The following MT1G variants were observed in gnomAD, a reference collection of about 807,000 sequenced individuals.
MT1G encodes metallothionein 1G, also known as metallothionein-1G.
A neutral mutation model predicts 9.1 loss-of-function variants in MT1G; 8 were observed. The observed-to-expected ratio is 0.87, with a 90% CI of 0.51 to 1.58. MT1G has a LOEUF of 1.58. Ranked by LOEUF, MT1G falls within the 40% of genes most tolerant of loss-of-function variation. MT1G has a pLI of 0.00. For synonymous variants in MT1G, 31 were observed against 28.4 expected, an observed-to-expected ratio of 1.09 and a Z score of -0.29; for missense variants, 79 against 77.3, an observed-to-expected ratio of 1.02 and a Z score of -0.08.
At position 56,667,267 on chromosome 16, in the gene MT1G, A is replaced by G. The variant is rs1351237709; in HGVS notation, c.97+45T>C. On this transcript the variant is annotated intron_variant, in intron 2 of 2. Coordinates refer to ENST00000379811, the MANE Select transcript of MT1G (RefSeq NM_001301267.2). ...AGGGACAGCCTTGGGTTCCCTCCCA[A>G]CCTTAGCCACAGCCCCAGATTCCTG... 3.7e-6 allele frequency: 6 copies of G among 1,613,964 alleles called. No individual in the cohort carries two copies. In the African/African-American group the frequency reaches 6.7e-5, roughly 18 times the overall value.
At chr16:56,667,557 C>T (rs1362316340) in intron 1 of MT1G, among the ~76,000 whole-genome samples, 177 bp from the exon 2 acceptor site, 1 of 152,198 alleles carries the variant, frequency 6.6e-6, no homozygotes, top group Admixed American at 6.5e-5. Flanking sequence ...AACCAAGCAC[C>T]CTCCTATTTC....
chr16:56,667,775 C>T (rs1474136979), intron 1 of MT1G, among the ~76,000 whole-genome samples, 191 bp downstream of exon 1: 5 of 152,146 alleles, frequency 3.3e-5, no homozygotes, highest in Admixed American at 3.3e-4. Flanking sequence ...CCTCAGGACC[C>T]TCAACTCTGA....
rs769987487 is a variant in MT1G, at chr16:56,666,832, T to G, written c.*47A>C. ...GTAGCAAAAAACAAAAAATCCTGGA[T>G]TTTACGGGTCACTCTATTTGTACTT... On this transcript the variant is annotated 3_prime_UTR_variant, in exon 3 of 3. Coordinates refer to ENST00000379811, the MANE Select transcript of MT1G (RefSeq NM_001301267.2). The G allele has an allele frequency of 1.8e-5, 29 of 1,595,834 alleles. No homozygotes were observed. Among genetic ancestry groups the G allele is most frequent in the Non-Finnish European group, 2.2e-5 (26 of 1,173,056 alleles).
chr16:56,667,394 A>T lies in MT1G; in HGVS notation c.29-14T>A, dbSNP rs1271702698. The T allele has an allele frequency of 9.3e-6, 15 of 1,613,960 alleles. No homozygotes were observed. In the African/African-American group the frequency reaches 1.2e-4, roughly 13 times the overall value. Reference sequence around the variant, plus strand: ...AGGAGACACCTGCTAGAAGAGAAAAAGCCAGTGAACGGTGAGTGAGATGCA... The same window carrying T: ...AGGAGACACCTGCTAGAAGAGAAAATGCCAGTGAACGGTGAGTGAGATGCA... On this transcript the variant is annotated splice_polypyrimidine_tract_variant and intron_variant, in intron 1 of 2. Transcript: ENST00000379811.
chr16:56,666,744 A>C lies in MT1G; in HGVS notation c.*135T>G. The C allele has an allele frequency of 7.5e-7, 1 of 1,326,362 alleles. No individual in the cohort carries two copies. Among genetic ancestry groups the C allele is most frequent in the South Asian group, 1.5e-5 (1 of 65,784 alleles). 82.2% of individuals were successfully genotyped at this position (1,326,362 alleles called of 1,614,324 possible). On this transcript the variant is annotated 3_prime_UTR_variant, in exon 3 of 3. Transcript: ENST00000379811. ...GGAACCAGAACGGGAATCAAGTCTA[A>C]GTGTTTAATTATTATTCACATATTT...
Position 56,666,917 on chromosome 16 carries a change from A to G in MT1G, c.151T>C (p.Cys51Arg). Residue 51 changes from cysteine to arginine, a missense_variant, in exon 3 of 3, where the codon TGC (cysteine) becomes CGC (arginine). Cys to Arg is a radical substitution (Grantham distance 180). Transcript: ENST00000379811. ...GCAKCAQGCI[C>R]KGASEKCSCC... ...CTGCACTTCTCCGATGCCCCTTTGC[A>G]GATGCAGCCCTGGGCACACTTGGCA... 4 of 1,614,242 alleles carry G rather than the reference A, an allele frequency of 2.5e-6. No individual in the cohort carries two copies. The highest frequency in any genetic ancestry group is 2.5e-6 in the Non-Finnish European group (3 of 1,180,036).
intron 1 of MT1G, 97 bp downstream of exon 1, chr16:56,667,869 C>A: frequency 6.9e-7 from 1 of 1,450,732 alleles, no homozygotes; most frequent in Non-Finnish European, 9.7e-7. Context: ...TCCCCTTTAC[C>A]TCTGATAGCA....
Position 56,666,970 on chromosome 16 carries a change from C to G in MT1G, c.98G>C (p.Ser33Thr). Residue 33 changes from serine to threonine, a missense_variant and splice_region_variant, in exon 3 of 3, where the codon AGC becomes ACC. Physicochemically the swap from Ser to Thr is moderately conservative, Grantham distance 58. Transcript: ENST00000379811. ...GCCCACAGGGCAGCAGGAGCAGCAGCCTGGGGAGGAAAGGAGATTGAGAGG... is the reference window on the plus strand; with the variant it reads ...GCCCACAGGGCAGCAGGAGCAGCAGGCTGGGGAGGAAAGGAGATTGAGAGG... ...KECKCTSCKK[S>T]CCSCCPVGCA... is the part of the protein sequence containing the mutation. 1.2e-6 allele frequency: 2 copies of G among 1,613,998 alleles called. No homozygotes were observed. Among genetic ancestry groups the G allele is most frequent in the Non-Finnish European group, 8.5e-7 (1 of 1,180,016 alleles).
At position 56,666,858 on chromosome 16, in the gene MT1G, G is replaced by C; in HGVS notation, c.*21C>G. Reference sequence around the variant, plus strand: ...TTTACGGGTCACTCTATTTGTACTTGGGAGCAGGGCTGTCCCGACATCAGG... The same window carrying C: ...TTTACGGGTCACTCTATTTGTACTTCGGAGCAGGGCTGTCCCGACATCAGG... On this transcript the variant is annotated 3_prime_UTR_variant, in exon 3 of 3. Coordinates refer to ENST00000379811, the MANE Select transcript of MT1G (RefSeq NM_001301267.2). 2.5e-6 allele frequency: 4 copies of C among 1,613,268 alleles called. No individual in the cohort carries two copies. Among genetic ancestry groups the C allele is most frequent in the Non-Finnish European group, 3.4e-6 (4 of 1,179,740 alleles).
At position 56,667,273 on chromosome 16, in the gene MT1G, G is replaced by A. The variant is rs187288338; in HGVS notation, c.97+39C>T. ...AGCCTTGGGTTCCCTCCCAACCTTA[G>A]CCACAGCCCCAGATTCCTGGAGATG... On this transcript the variant is annotated intron_variant, in intron 2 of 2. Coordinates refer to ENST00000379811, the MANE Select transcript of MT1G (RefSeq NM_001301267.2). The A allele has an allele frequency of 1.3e-3, 2,130 of 1,614,178 alleles. 2 individuals carry two copies. The highest frequency in any genetic ancestry group is 1.6e-3 in the Non-Finnish European group (1,915 of 1,180,040).
chr16:56,667,990 C>A lies in MT1G; in HGVS notation c.4G>T (p.Asp2Tyr). The A allele has an allele frequency of 6.2e-7, 1 of 1,614,020 alleles. No homozygotes were observed. The highest frequency in any genetic ancestry group is 1.7e-5 in the Admixed American group (1 of 60,032). ...CCAGCGGCACAGGAGCAGTTGGGGT[C>A]CATTGCAACCCGAGGCGAGACTAGA... M[D>Y]PNCSCAAAGV... The change falls in exon 1 of 3, where the codon GAC (aspartate) becomes TAC (tyrosine). Residue 2 changes from aspartate (D) to tyrosine (Y), a missense_variant. Physicochemically the swap from Asp to Tyr is radical, Grantham distance 160 (BLOSUM62 -3). Coordinates refer to ENST00000379811, the MANE Select transcript of MT1G (RefSeq NM_001301267.2).
In MT1G at chr16:56,667,383, A is replaced by G; in HGVS notation, c.29-3T>C. The G allele has an allele frequency of 6.2e-7, 1 of 1,614,134 alleles. No homozygotes were observed. The highest frequency in any genetic ancestry group is 1.1e-5 in the South Asian group (1 of 91,070). On this transcript the variant is annotated splice_polypyrimidine_tract_variant and splice_region_variant and intron_variant, in intron 1 of 2. Transcript: ENST00000379811. ...GGCGCAGGTGCAGGAGACACCTGCTAGAAGAGAAAAAGCCAGTGAACGGTG... is the reference window on the plus strand; with the variant it reads ...GGCGCAGGTGCAGGAGACACCTGCTGGAAGAGAAAAAGCCAGTGAACGGTG...
At chr16:56,667,787 A>T (rs1453384250) in intron 1 of MT1G, among the ~76,000 whole-genome samples, 179 bp downstream of exon 1, 3 of 152,196 alleles carry the variant, frequency 2.0e-5, no homozygotes, top group Non-Finnish European at 4.4e-5. Flanking sequence ...CAACTCTGAC[A>T]TAGAGGAACA....
Position 56,667,971 on chromosome 16 carries a change from G to A in MT1G, c.23C>T (p.Ala8Val). The A allele has an allele frequency of 6.2e-7, 1 of 1,613,890 alleles. No individual in the cohort carries two copies. The part of the protein sequence containing the change: MDPNCSC[A>V]AAGVSCTCAS... ...AGAACCCGGGCGTCCCTTACCAGCG[G>A]CACAGGAGCAGTTGGGGTCCATTGC... The change falls in exon 1 of 3, where the codon GCC (alanine) becomes GTC (valine). Residue 8 changes from alanine (A) to valine (V), a missense_variant. By Grantham distance (64) the Ala-to-Val change is moderately conservative. Coordinates refer to ENST00000379811, the MANE Select transcript of MT1G (RefSeq NM_001301267.2).
At chr16:56,667,231 A>G in intron 2 of MT1G, 81 bp downstream of exon 2, 1 of 1,611,848 alleles carries the variant, frequency 6.2e-7, no homozygotes, top group African/African-American at 1.3e-5. Flanking sequence ...GTTCCCCAGA[A>G]GCACGCACTC....
Position 56,666,875 on chromosome 16 carries a change from G to T in MT1G, c.*4C>A, listed in dbSNP as rs552378275. On this transcript the variant is annotated 3_prime_UTR_variant, in exon 3 of 3. Coordinates refer to ENST00000379811, the MANE Select transcript of MT1G (RefSeq NM_001301267.2). Reference sequence around the variant, plus strand: ...TTGTACTTGGGAGCAGGGCTGTCCCGACATCAGGCGCAGCAGCTGCACTTC... The same window carrying T: ...TTGTACTTGGGAGCAGGGCTGTCCCTACATCAGGCGCAGCAGCTGCACTTC... 1.9e-6 allele frequency: 3 copies of T among 1,614,052 alleles called. No homozygotes were observed. The African/African-American group carries it at 4.0e-5, about 22-fold the overall frequency.
At chr16:56,667,934 A>C (rs1057500245) in intron 1 of MT1G, 32 bp downstream of exon 1, 15 of 1,613,510 alleles carry the variant, frequency 9.3e-6, no homozygotes, top group Non-Finnish European at 1.3e-5. Flanking sequence ...GGAATTTGGC[A>C]TCCCAAGGCA....
In MT1G at chr16:56,666,777, A is replaced by T; in HGVS notation, c.*102T>A. On this transcript the variant is annotated 3_prime_UTR_variant, in exon 3 of 3. Coordinates refer to ENST00000379811, the MANE Select transcript of MT1G (RefSeq NM_001301267.2). ...ATTATTATTCACATATTTCACAGAA[A>T]AAAAGGAATGTAGCAAAGGGGTCAA... 8.1e-6 allele frequency: 12 copies of T among 1,490,186 alleles called. No homozygotes were observed. Among genetic ancestry groups the T allele is most frequent in the Non-Finnish European group, 1.1e-5 (12 of 1,108,436 alleles). The allele number at this position is 1,490,186 out of a possible 1,614,324, so 92.3% of individuals were successfully genotyped here. A position where few individuals can be genotyped will look rare whatever the true frequency, so the allele number is the denominator to read the frequency against.
Position 56,666,847 on chromosome 16 carries a change from T to C in MT1G, c.*32A>G. 1.2e-6 allele frequency: 2 copies of C among 1,611,960 alleles called. No homozygotes were observed. The highest frequency in any genetic ancestry group is 1.7e-6 in the Non-Finnish European group (2 of 1,179,308). On this transcript the variant is annotated 3_prime_UTR_variant, in exon 3 of 3. Coordinates refer to ENST00000379811, the MANE Select transcript of MT1G (RefSeq NM_001301267.2). ...AAATCCTGGATTTTACGGGTCACTCTATTTGTACTTGGGAGCAGGGCTGTC... is the reference window on the plus strand; with the variant it reads ...AAATCCTGGATTTTACGGGTCACTCCATTTGTACTTGGGAGCAGGGCTGTC...
Sources: allele counts gnomAD v4.1 joint callset (sites outside exome capture counted in the v4.1 genomes callset), GRCh38; gene constraint gnomAD v4.1.1; transcripts MANE v1.5; gene names NCBI Gene and HGNC (gene_info 2026-07-23, HGNC 2026-07-21).